Variants in SHISA9 observed in about 807,000 individuals in gnomAD.
SHISA9 encodes the protein shisa family member 9.
In SHISA9, 13 loss-of-function variants were observed where a neutral mutation model predicts 38.0. The ratio of observed to expected loss-of-function variants is 0.34; its 90% CI spans 0.22 to 0.54. The LOEUF (loss-of-function observed/expected upper bound fraction) is 0.54. Among genes scored for constraint, SHISA9 ranks in the 20% least tolerant of loss-of-function variants. The probability of loss-of-function intolerance (pLI) is 0.91; values close to 1 mark genes in which losing one functional copy is unlikely to be tolerated. For synonymous variants in SHISA9, 275 were observed against 242.0 expected (o/e 1.14, Z -1.27); for missense variants, 538 against 575.8 (o/e 0.93, Z 0.67).
chr16:13,030,066 T>G (rs565748418), intron 2 of SHISA9, among the ~76,000 whole-genome samples: 1 of 152,354 alleles, frequency 6.6e-6, no homozygotes, highest in East Asian at 1.9e-4. Context: ...TGGTACACAG[T>G]AAGCACTTGA....
the SHISA9 span, among the ~76,000 whole-genome samples, chr16:13,469,365 A>AAAGAAAAAGAAAGAAAG: frequency 3.6e-4 from 23 of 64,522 alleles, no homozygotes; most frequent in Middle Eastern, 6.3e-3. Context: ...AAAGAAAAGA[A>AAAGAAAAAGAAAGAAAG]AAAGAAAGAA....
the SHISA9 span, among the ~76,000 whole-genome samples, chr16:13,294,472 C>G: frequency 4.6e-5 from 7 of 152,306 alleles, no homozygotes; most frequent in Middle Eastern, 0.014. Context: ...GTGCAAGACT[C>G]TTAGTGGAAA....
At chr16:13,053,929 T>C (rs2073281701) in intron 2 of SHISA9, among the ~76,000 whole-genome samples, 1 of 152,212 alleles carries the variant, frequency 6.6e-6, no homozygotes, top group Admixed American at 6.5e-5. Flanking sequence ...AGCCCACTGA[T>C]ACCCTCCCCA....
intron 2 of SHISA9, among the ~76,000 whole-genome samples, chr16:12,918,544 T>C (rs1433845741): frequency 6.6e-6 from 1 of 152,214 alleles, no homozygotes; most frequent in Non-Finnish European, 1.5e-5. Flanking sequence ...TGAATGTTGC[T>C]TACATAAGGC....
the SHISA9 span, among the ~76,000 whole-genome samples, chr16:13,429,277 A>T: frequency 0.27 from 41,360 of 152,178 alleles, 6,831 homozygotes; most frequent in East Asian, 0.52. Flanking sequence ...GGTGGCTTAA[A>T]TAAGAGAAAT....
chr16:12,980,905 T>C (rs1306576808), intron 2 of SHISA9, among the ~76,000 whole-genome samples: 1 of 152,198 alleles, frequency 6.6e-6, no homozygotes, highest in African/African-American at 2.4e-5. Flanking sequence ...AAATTGGTTC[T>C]TTTAAATATT....
intron 2 of SHISA9, among the ~76,000 whole-genome samples, chr16:13,169,743 G>T (rs928548108): frequency 2.0e-5 from 3 of 152,130 alleles, no homozygotes; most frequent in African/African-American, 7.2e-5. Flanking sequence ...TAGCCTTCCC[G>T]AAAGCTAATG....
intron 2 of SHISA9, among the ~76,000 whole-genome samples, chr16:13,151,316 A>T (rs2050497391): frequency 6.6e-6 from 1 of 152,132 alleles, no homozygotes; most frequent in Non-Finnish European, 1.5e-5. Context: ...CATGTTGGCC[A>T]GGCTGGTCTC....
the SHISA9 span, among the ~76,000 whole-genome samples, chr16:13,281,066 T>C: frequency 6.6e-6 from 1 of 151,858 alleles, no homozygotes; most frequent in African/African-American, 2.4e-5. Context: ...CGAGTCACAT[T>C]ATTTACATTT....
the SHISA9 span, among the ~76,000 whole-genome samples, chr16:13,479,934 G>A: frequency 0.25 from 37,610 of 152,108 alleles, 4,801 homozygotes; most frequent in African/African-American, 0.29. Flanking sequence ...AGACAAGATG[G>A]CTTAGGAGGC....
the SHISA9 span, among the ~76,000 whole-genome samples, chr16:13,486,305 A>G: frequency 6.6e-6 from 1 of 152,218 alleles, no homozygotes; most frequent in Non-Finnish European, 1.5e-5. Flanking sequence ...AGAAGGATTG[A>G]GAGAAGAGAT....
the SHISA9 span, among the ~76,000 whole-genome samples, chr16:13,412,402 A>G: frequency 6.6e-6 from 1 of 152,096 alleles, no homozygotes; most frequent in East Asian, 1.9e-4. Flanking sequence ...TGTTCATACC[A>G]TCTCTTCAAT....
At chr16:12,928,314 T>TTGTA (rs2071419002) in intron 2 of SHISA9, among the ~76,000 whole-genome samples, 1 of 150,934 alleles carries the variant, frequency 6.6e-6, no homozygotes. Context: ...CAGAGGTTGG[T>TTGTA]TGTGTGTGTG....
At chr16:13,015,280 A>G (rs894099376) in intron 2 of SHISA9, among the ~76,000 whole-genome samples, 5 of 152,272 alleles carry the variant, frequency 3.3e-5, no homozygotes, top group Non-Finnish European at 7.3e-5. Context: ...CACAAAGCCT[A>G]GAATATTAAC....
intron 2 of SHISA9, among the ~76,000 whole-genome samples, chr16:12,966,386 CAAG>C (rs989241974): frequency 6.6e-6 from 1 of 152,122 alleles, no homozygotes; most frequent in Non-Finnish European, 1.5e-5. Flanking sequence ...TCTTGTATGA[CAAG>C]AAGGAGTGCC....
intron 2 of SHISA9, among the ~76,000 whole-genome samples, chr16:13,059,873 GGA>G (rs2073353927): frequency 6.6e-6 from 1 of 152,094 alleles, no homozygotes; most frequent in South Asian, 2.1e-4. Context: ...GACAAGCCCA[GGA>G]GAGAGGCCTC....
intron 2 of SHISA9, among the ~76,000 whole-genome samples, chr16:13,137,004 T>G (rs907000256): frequency 6.6e-6 from 1 of 152,212 alleles, no homozygotes; most frequent in Non-Finnish European, 1.5e-5. Context: ...TATTGATGTC[T>G]GTCTCCGAGT....
the SHISA9 span, among the ~76,000 whole-genome samples, chr16:13,412,834 C>T: frequency 1.7e-4 from 26 of 151,978 alleles, no homozygotes; most frequent in Middle Eastern, 6.8e-3. Flanking sequence ...TCAGTCCGGG[C>T]GACAGAGAAA....
At chr16:13,292,348 C>G in the SHISA9 span, among the ~76,000 whole-genome samples, 1 of 152,028 alleles carries the variant, frequency 6.6e-6, no homozygotes, top group Admixed American at 6.6e-5. Context: ...ATATTCCTGT[C>G]CAGATTACCA....
Sources: allele counts gnomAD v4.1 joint callset (sites outside exome capture counted in the v4.1 genomes callset), GRCh38; gene constraint gnomAD v4.1.1; transcripts MANE v1.5; gene names NCBI Gene and HGNC (gene_info 2026-07-23, HGNC 2026-07-21).